Variants in CEP112 observed in about 807,000 individuals in gnomAD.
CEP112 encodes centrosomal protein of 112 kDa.
Under a neutral mutation model 153.0 loss-of-function variants are expected in CEP112, and 127 were observed. The observed-to-expected ratio is 0.83, with a 90% CI of 0.72 to 0.96. CEP112 has a LOEUF of 0.96. CEP112 is among the 40% of genes least tolerant of loss of function. CEP112 has a pLI of 0.00. For missense variants in CEP112, 1,089 were observed against 1,101.2 expected, an observed-to-expected ratio of 0.99 and a Z score of 0.16; for synonymous variants, 358 against 374.4, an observed-to-expected ratio of 0.96 and a Z score of 0.51.
In CEP112 at chr17:65,750,376, T is replaced by C. The variant is rs181654621; in HGVS notation, c.2457+286A>G. 9.2e-5 allele frequency among the ~76,000 whole-genome samples: 14 copies of C among 152,318 alleles called. No homozygotes were observed. The East Asian group carries it at 1.9e-3, about 21-fold the overall frequency. ...TGAAGTATGTTTCAGCCTGGGCTTG[T>C]TCAAGTGTATAGGCTGGTTTTACAA... On this transcript the variant is annotated intron_variant, in intron 22 of 26. Transcript: ENST00000535342.
At chr17:66,142,622 T>C (rs868811757) in intron 4 of CEP112, among the ~76,000 whole-genome samples, 33 of 152,294 alleles carry the variant, frequency 2.2e-4, no homozygotes, top group African/African-American at 7.2e-4. Context: ...TTAACCATTG[T>C]GTGTTCTTGG....
intron 12 of CEP112, among the ~76,000 whole-genome samples, chr17:66,042,289 G>A (rs2066017544): frequency 6.6e-6 from 1 of 152,178 alleles, no homozygotes; most frequent in Admixed American, 6.5e-5. Flanking sequence ...GGCGGAGGTT[G>A]TAGTGAGCTG....
intron 12 of CEP112, among the ~76,000 whole-genome samples, chr17:66,047,170 G>T (rs1189968110): frequency 6.6e-6 from 1 of 152,092 alleles, no homozygotes; most frequent in Admixed American, 6.5e-5. Flanking sequence ...AGGCTGGAGT[G>T]CAGTGGCATG....
intron 19 of CEP112, among the ~76,000 whole-genome samples, chr17:65,917,454 T>C (rs1860357378): frequency 6.9e-6 from 1 of 145,654 alleles, no homozygotes; most frequent in African/African-American, 2.5e-5. Context: ...AAATCCATGG[T>C]CATTTACCAC....
intron 19 of CEP112, among the ~76,000 whole-genome samples, chr17:65,917,925 C>T (rs1388201931): frequency 6.6e-6 from 1 of 152,016 alleles, no homozygotes; most frequent in Admixed American, 6.5e-5. Flanking sequence ...GCCTGTAATC[C>T]TAGCACTTTG....
intron 4 of CEP112, among the ~76,000 whole-genome samples, chr17:66,133,559 A>C (rs900561877): frequency 6.6e-6 from 1 of 152,204 alleles, no homozygotes; most frequent in African/African-American, 2.4e-5. Flanking sequence ...TCTCTAATAT[A>C]AATATCATAT....
intron 1 of CEP112, among the ~76,000 whole-genome samples, chr17:66,186,718 T>TA (rs2146940331): frequency 6.6e-6 from 1 of 152,304 alleles, no homozygotes; most frequent in East Asian, 1.9e-4. Flanking sequence ...CACTGCCTTA[T>TA]AGTCAGATGG....
intron 12 of CEP112, among the ~76,000 whole-genome samples, chr17:66,031,590 C>A (rs2065488362): frequency 6.6e-6 from 1 of 151,390 alleles, no homozygotes; most frequent in Non-Finnish European, 1.5e-5. Context: ...TCCTGAGCAG[C>A]TGAGACTACA....
chr17:66,107,538 T>A (rs1568497355), intron 6 of CEP112, among the ~76,000 whole-genome samples: 3 of 152,028 alleles, frequency 2.0e-5, no homozygotes, highest in Non-Finnish European at 4.4e-5. Flanking sequence ...ATTAATTCCA[T>A]TTACAATAGA....
At chr17:65,899,427 A>G (rs1295557098) in intron 20 of CEP112, among the ~76,000 whole-genome samples, 1 of 152,100 alleles carries the variant, frequency 6.6e-6, no homozygotes, top group East Asian at 1.9e-4. Flanking sequence ...AACCAAATAA[A>G]ATGAGGAGAC....
intron 6 of CEP112, among the ~76,000 whole-genome samples, chr17:66,103,303 A>G (rs1462762847): frequency 1.3e-5 from 2 of 152,196 alleles, no homozygotes; most frequent in East Asian, 3.9e-4. Context: ...CACTATGAAC[A>G]TGCTCCTATT....
At chr17:65,709,030 T>C (rs2049047316) in intron 23 of CEP112, among the ~76,000 whole-genome samples, 2 of 152,102 alleles carry the variant, frequency 1.3e-5, no homozygotes, top group Admixed American at 1.3e-4. Flanking sequence ...CGGCTTCAGC[T>C]CTTTGTTGCA....
At chr17:66,073,837 A>C (rs994214840) in intron 8 of CEP112, among the ~76,000 whole-genome samples, 38 of 152,222 alleles carry the variant, frequency 2.5e-4, no homozygotes, top group African/African-American at 6.5e-4. Context: ...ACAACAACAA[A>C]AAAATTCTAT....
At chr17:65,794,770 T>C (rs2054808296) in intron 21 of CEP112, among the ~76,000 whole-genome samples, 1 of 152,198 alleles carries the variant, frequency 6.6e-6, no homozygotes, top group Non-Finnish European at 1.5e-5. Flanking sequence ...CAGTCAGGAA[T>C]CGCACCTGCG....
At chr17:66,141,395 AAT>A (rs1006706791) in intron 4 of CEP112, among the ~76,000 whole-genome samples, 2 of 122,892 alleles carry the variant, frequency 1.6e-5, no homozygotes, top group East Asian at 3.9e-4. Flanking sequence ...CTCTTTTTAA[AAT>A]AGTTTTTTTC....
At chr17:66,169,479 T>C (rs1367121580) in intron 4 of CEP112, among the ~76,000 whole-genome samples, 2 of 151,944 alleles carry the variant, frequency 1.3e-5, no homozygotes, top group Non-Finnish European at 2.9e-5. Context: ...AGAGACGGGG[T>C]TTCACCATAT....
chr17:65,938,836 A>C (rs1387955573), intron 18 of CEP112, among the ~76,000 whole-genome samples: 1 of 152,086 alleles, frequency 6.6e-6, no homozygotes, highest in Non-Finnish European at 1.5e-5. Flanking sequence ...TTTTGAGACA[A>C]AGTCTTGCTC....
At chr17:65,813,764 G>C (rs2056115260) in intron 21 of CEP112, among the ~76,000 whole-genome samples, 2 of 152,092 alleles carry the variant, frequency 1.3e-5, no homozygotes, top group Admixed American at 6.6e-5. Flanking sequence ...CCTGTATATT[G>C]CTTATTGTTT....
chr17:65,829,494 C>T (rs535971117), intron 21 of CEP112, among the ~76,000 whole-genome samples: 5 of 152,070 alleles, frequency 3.3e-5, no homozygotes, highest in Middle Eastern at 3.2e-3. Context: ...ACATAGGAGG[C>T]GGGAGTGTGA....
Sources: gnomAD v4.1 joint callset for allele counts (sites outside exome capture counted in the v4.1 genomes callset) on GRCh38, gnomAD v4.1.1 for gene constraint, MANE v1.5 for transcripts, NCBI Gene and HGNC (gene_info 2026-07-23, HGNC 2026-07-21) for gene names.